CNTN5: variants seen among roughly 807,000 people sequenced by gnomAD.
CNTN5 encodes the protein contactin-5.
A neutral mutation model predicts 129.1 loss-of-function variants in CNTN5; 77 were observed. That is an observed-to-expected ratio of 0.60 (90% CI 0.50 to 0.72). The LOEUF (loss-of-function observed/expected upper bound fraction) is 0.72, where lower values mean the gene tolerates loss of function less well. CNTN5 is among the 30% of genes least tolerant of loss of function. The probability of loss-of-function intolerance (pLI) is 0.00; values close to 1 mark genes in which losing one functional copy is unlikely to be tolerated. For missense variants in CNTN5, 1,478 were observed against 1,328.8 expected (o/e 1.11, Z -1.75); for synonymous variants, 509 against 465.6 (o/e 1.09, Z -1.20).
At chr11:99,674,624 C>A (rs139061093) in intron 3 of CNTN5, among the ~76,000 whole-genome samples, 29 of 152,084 alleles carry the variant, frequency 1.9e-4, no homozygotes, top group Non-Finnish European at 4.4e-5. Flanking sequence ...CAGACCCAAA[C>A]GAATTGCAGC....
At chr11:99,347,429 TATA>T (rs1223982559) in intron 2 of CNTN5, among the ~76,000 whole-genome samples, 1 of 152,138 alleles carries the variant, frequency 6.6e-6, no homozygotes, top group African/African-American at 2.4e-5. Flanking sequence ...AAGTAATTAA[TATA>T]ATAACACATA....
chr11:99,278,775 T>C (rs1863564036), intron 1 of CNTN5, among the ~76,000 whole-genome samples: 1 of 151,732 alleles, frequency 6.6e-6, no homozygotes, highest in East Asian at 1.9e-4. Flanking sequence ...TCATGACCAT[T>C]AATTAGTATA....
chr11:99,894,357 T>C (rs1433183069), intron 6 of CNTN5, among the ~76,000 whole-genome samples: 2 of 151,834 alleles, frequency 1.3e-5, no homozygotes, highest in East Asian at 3.9e-4. Flanking sequence ...CTAAATGTGA[T>C]GTGAATAGTT....
rs533846979 is a variant in CNTN5 at position 99,299,721 on chromosome 11, A to G, written c.-209-25625A>G. On this transcript the variant is annotated intron_variant, in intron 1 of 24. Transcript: ENST00000524871. ...CTCAATCCATGTTGCCGCAAAAGACATGATTTCATACTTTTTATGGCTGCA... is the reference window on the plus strand; with the variant it reads ...CTCAATCCATGTTGCCGCAAAAGACGTGATTTCATACTTTTTATGGCTGCA... Among the ~76,000 whole-genome samples the G allele has an allele frequency of 3.9e-5, 6 of 152,270 alleles. No individual in the cohort carries two copies. The South Asian group carries it at 1.2e-3, about 32-fold the overall frequency.
chr11:99,091,101 G>T (rs570379771), intron 1 of CNTN5, among the ~76,000 whole-genome samples: 1 of 148,172 alleles, frequency 6.7e-6, no homozygotes, highest in South Asian at 2.1e-4. Flanking sequence ...ATGAAATCGA[G>T]ACCTAAATCA....
intron 1 of CNTN5, among the ~76,000 whole-genome samples, chr11:99,236,628 A>T (rs752742517): frequency 6.6e-6 from 1 of 152,096 alleles, no homozygotes; most frequent in Admixed American, 6.6e-5. Flanking sequence ...TAGTTATAAT[A>T]TTTTTCTCAT....
At chr11:100,183,975 G>T (rs17094535) in intron 13 of CNTN5, among the ~76,000 whole-genome samples, 1 of 151,966 alleles carries the variant, frequency 6.6e-6, no homozygotes, top group African/African-American at 2.4e-5. Context: ...TTGTCCTTCC[G>T]ACCTCAGGAT....
At chr11:100,197,180 T>C (rs1358740848) in intron 15 of CNTN5, among the ~76,000 whole-genome samples, 3 of 151,936 alleles carry the variant, frequency 2.0e-5, no homozygotes, top group East Asian at 1.9e-4. Flanking sequence ...AAGAGCTTAG[T>C]GCGTGTTTTG....
intron 9 of CNTN5, among the ~76,000 whole-genome samples, chr11:100,031,613 T>C (rs1462272445): frequency 6.6e-6 from 1 of 152,216 alleles, no homozygotes; most frequent in East Asian, 1.9e-4. Flanking sequence ...CACGTCCTGT[T>C]TCTATGGATT....
At chr11:99,276,301 G>A (rs1324123988) in intron 1 of CNTN5, among the ~76,000 whole-genome samples, 1 of 151,524 alleles carries the variant, frequency 6.6e-6, no homozygotes, top group Non-Finnish European at 1.5e-5. Flanking sequence ...TATTTATTTT[G>A]ATTCCCCAAG....
chr11:99,080,258 G>A (rs1403182848), intron 1 of CNTN5, among the ~76,000 whole-genome samples: 1 of 152,174 alleles, frequency 6.6e-6, no homozygotes, highest in African/African-American at 2.4e-5. Flanking sequence ...GAAAGAGCAT[G>A]TAGGGCATTC....
At chr11:100,200,962 GT>G (rs1165734493) in intron 15 of CNTN5, among the ~76,000 whole-genome samples, 1 of 151,832 alleles carries the variant, frequency 6.6e-6, no homozygotes, top group Non-Finnish European at 1.5e-5. Flanking sequence ...ACTCAGACTA[GT>G]TTTTAATAAT....
intron 8 of CNTN5, among the ~76,000 whole-genome samples, chr11:99,969,901 C>T (rs1472796714): frequency 6.6e-6 from 1 of 152,162 alleles, no homozygotes; most frequent in Non-Finnish European, 1.5e-5. Flanking sequence ...CTCCTCACCC[C>T]CATGATATTT....
At chr11:99,851,590 G>A (rs1353995152) in intron 6 of CNTN5, among the ~76,000 whole-genome samples, 2 of 152,098 alleles carry the variant, frequency 1.3e-5, no homozygotes, top group Non-Finnish European at 2.9e-5. Flanking sequence ...TAATGAATCA[G>A]GAATAAAATC....
At chr11:99,959,897 G>A (rs1950896505) in intron 8 of CNTN5, among the ~76,000 whole-genome samples, 1 of 151,456 alleles carries the variant, frequency 6.6e-6, no homozygotes, top group Admixed American at 6.6e-5. Flanking sequence ...ACTTACCTAA[G>A]GCTATTGCTT....
chr11:99,118,179 T>C (rs1034157527), intron 1 of CNTN5, among the ~76,000 whole-genome samples: 1 of 152,178 alleles, frequency 6.6e-6, no homozygotes, highest in Non-Finnish European at 1.5e-5. Flanking sequence ...TAAATCTATT[T>C]GTACCAATTT....
intron 1 of CNTN5, among the ~76,000 whole-genome samples, chr11:99,213,363 T>TATAC (rs1237876821): frequency 1.1e-4 from 6 of 53,478 alleles, no homozygotes; most frequent in African/African-American, 3.2e-4. Context: ...TATGTGTATA[T>TATAC]ATGTATATAT....
intron 9 of CNTN5, among the ~76,000 whole-genome samples, chr11:100,028,091 C>G (rs77506653): frequency 0.03 from 4,571 of 151,978 alleles, 99 homozygotes; most frequent in African/African-American, 0.07. Context: ...AAAACAGCAA[C>G]TGAAAGGTAA....
chr11:99,717,947 C>A (rs1322051348), intron 3 of CNTN5, among the ~76,000 whole-genome samples: 1 of 152,214 alleles, frequency 6.6e-6, no homozygotes, highest in South Asian at 2.1e-4. Flanking sequence ...TTAGCACCCC[C>A]CTAAAACCTT....
Sources: gnomAD v4.1 joint callset for allele counts (sites outside exome capture counted in the v4.1 genomes callset) on GRCh38, gnomAD v4.1.1 for gene constraint, MANE v1.5 for transcripts, NCBI Gene and HGNC (gene_info 2026-07-23, HGNC 2026-07-21) for gene names.